Variants in PLA2G4A observed in about 807,000 individuals in gnomAD.
The protein encoded by PLA2G4A is cytosolic phospholipase A2.
A neutral mutation model predicts 81.9 loss-of-function variants in PLA2G4A; 40 were observed. That is an observed-to-expected ratio of 0.49 (90% CI 0.38 to 0.64). The LOEUF is 0.64. Among genes scored for constraint, PLA2G4A ranks in the 30% least tolerant of loss-of-function variants. The pLI is 0.00. For missense variants in PLA2G4A, 715 were observed against 905.1 expected (o/e 0.79, Z 2.69); for synonymous variants, 302 against 296.9 (o/e 1.02, Z -0.18).
intron 1 of PLA2G4A, among the ~76,000 whole-genome samples, chr1:186,841,363 C>T (rs1441069738): frequency 6.6e-6 from 1 of 152,102 alleles, no homozygotes; most frequent in Non-Finnish European, 1.5e-5. Flanking sequence ...AAGATTTTAG[C>T]CAAACTAAAA....
At chr1:186,890,516 A>G (rs1654095974) in intron 3 of PLA2G4A, among the ~76,000 whole-genome samples, 1 of 150,132 alleles carries the variant, frequency 6.7e-6, no homozygotes, top group African/African-American at 2.5e-5. Context: ...TTCAGTGGGC[A>G]CACATATCAT....
At chr1:186,841,071 T>C (rs1651961794) in intron 1 of PLA2G4A, among the ~76,000 whole-genome samples, 1 of 152,234 alleles carries the variant, frequency 6.6e-6, no homozygotes, top group African/African-American at 2.4e-5. Flanking sequence ...AGTCAGAACA[T>C]TATTCTTCTA....
chr1:186,865,622 G>A (rs1487465689), intron 2 of PLA2G4A, among the ~76,000 whole-genome samples: 1 of 152,080 alleles, frequency 6.6e-6, no homozygotes, highest in Non-Finnish European at 1.5e-5. Context: ...TTAAAAATTA[G>A]GCAAAGTTAG....
At chr1:186,958,119 C>G (rs1023956943) in intron 14 of PLA2G4A, among the ~76,000 whole-genome samples, 1 of 151,928 alleles carries the variant, frequency 6.6e-6, no homozygotes, top group Non-Finnish European at 1.5e-5. Flanking sequence ...AAAATGACCC[C>G]TGTTGTTTAA....
intron 15 of PLA2G4A, among the ~76,000 whole-genome samples, chr1:186,977,358 T>C (rs1202836290): frequency 6.6e-6 from 1 of 152,218 alleles, no homozygotes; most frequent in East Asian, 1.9e-4. Context: ...TCAATAATTT[T>C]TCAAATGCCT....
At chr1:186,878,928 T>TA (rs1653623705) in intron 3 of PLA2G4A, among the ~76,000 whole-genome samples, 1 of 151,952 alleles carries the variant, frequency 6.6e-6, no homozygotes, top group Admixed American at 6.6e-5. Flanking sequence ...AGTATGTTCT[T>TA]AAAGTGTTTA....
chr1:186,955,461 A>G (rs989689862), intron 13 of PLA2G4A, among the ~76,000 whole-genome samples: 1 of 152,270 alleles, frequency 6.6e-6, no homozygotes, highest in African/African-American at 2.4e-5. Flanking sequence ...TGTGCATGCA[A>G]GTGCGTGCAC....
intron 12 of PLA2G4A, among the ~76,000 whole-genome samples, chr1:186,948,581 GT>G (rs1656424435): frequency 6.6e-6 from 1 of 151,880 alleles, no homozygotes; most frequent in East Asian, 1.9e-4. Flanking sequence ...GTGCCCCTCT[GT>G]TGAATAATCC....
chr1:186,975,840 T>C (rs1413094139), intron 15 of PLA2G4A, among the ~76,000 whole-genome samples: 4 of 152,318 alleles, frequency 2.6e-5, no homozygotes, highest in Non-Finnish European at 2.9e-5. Context: ...GTGTCTGTCT[T>C]AGAGCTGGGC....
chr1:186,832,817 A>G (rs970004563), intron 1 of PLA2G4A, among the ~76,000 whole-genome samples: 1 of 152,190 alleles, frequency 6.6e-6, no homozygotes, highest in Admixed American at 6.5e-5. Flanking sequence ...GAATATTAAG[A>G]GTCTTAACAA....
intron 5 of PLA2G4A, among the ~76,000 whole-genome samples, chr1:186,901,065 G>A (rs531041245): frequency 3.2e-4 from 49 of 152,246 alleles, no homozygotes; most frequent in Non-Finnish European, 5.3e-4. Context: ...GGAAAATCAC[G>A]TATTGATGTT....
At chr1:186,956,035 C>T (rs956145991) in intron 13 of PLA2G4A, 67 bp from the exon 14 acceptor site, 10 of 1,454,958 alleles carry the variant, frequency 6.9e-6, no homozygotes, top group African/African-American at 1.4e-5. Flanking sequence ...CCACCGTGCC[C>T]AGCCCAAAGA....
intron 7 of PLA2G4A, among the ~76,000 whole-genome samples, chr1:186,921,135 G>A (rs1655335460): frequency 6.6e-6 from 1 of 152,026 alleles, no homozygotes; most frequent in South Asian, 2.1e-4. Context: ...ATGCCTCACG[G>A]TACCGTCTTA....
intron 2 of PLA2G4A, among the ~76,000 whole-genome samples, chr1:186,866,576 A>C (rs559862096): frequency 7.0e-4 from 107 of 152,288 alleles, no homozygotes; most frequent in African/African-American, 2.6e-3. Flanking sequence ...AATAAAAACA[A>C]TCTTTTTGTA....
At chr1:186,855,492 C>A (rs1018188324) in intron 2 of PLA2G4A, among the ~76,000 whole-genome samples, 2 of 151,982 alleles carry the variant, frequency 1.3e-5, no homozygotes, top group Non-Finnish European at 2.9e-5. Context: ...ATTCCACCCA[C>A]GAAACCATCA....
At chr1:186,858,488 A>C (rs1652675011) in intron 2 of PLA2G4A, among the ~76,000 whole-genome samples, 1 of 152,008 alleles carries the variant, frequency 6.6e-6, no homozygotes, top group African/African-American at 2.4e-5. Context: ...AGTTCTTTGT[A>C]GATTCTGGAT....
At chr1:186,965,023 A>G (rs1323763594) in intron 14 of PLA2G4A, among the ~76,000 whole-genome samples, 1 of 152,184 alleles carries the variant, frequency 6.6e-6, no homozygotes, top group African/African-American at 2.4e-5. Context: ...CCTGTCTGTT[A>G]TAAGAATTAA....
At chr1:186,843,230 T>C (rs1404690130) in intron 1 of PLA2G4A, among the ~76,000 whole-genome samples, 1 of 152,230 alleles carries the variant, frequency 6.6e-6, no homozygotes, top group African/African-American at 2.4e-5. Flanking sequence ...TCACTTAAAG[T>C]ATCTTGTACT....
At chr1:186,903,855 A>C (rs1298261164) in intron 5 of PLA2G4A, among the ~76,000 whole-genome samples, 1 of 152,170 alleles carries the variant, frequency 6.6e-6, no homozygotes, top group Non-Finnish European at 1.5e-5. Context: ...TCACAAAACC[A>C]TCCCTGCTCC....
Sources: gnomAD v4.1 joint callset for allele counts (sites outside exome capture counted in the v4.1 genomes callset) on GRCh38, gnomAD v4.1.1 for gene constraint, MANE v1.5 for transcripts, NCBI Gene and HGNC (gene_info 2026-07-23, HGNC 2026-07-21) for gene names.